DCC: variants seen among roughly 807,000 people sequenced by gnomAD.
DCC encodes netrin receptor DCC.
A neutral mutation model predicts 172.5 loss-of-function variants in DCC; 58 were observed. The observed-to-expected ratio is 0.34, with a 90% CI of 0.27 to 0.42. The LOEUF (loss-of-function observed/expected upper bound fraction) is 0.42. Ranked by LOEUF, DCC falls within the 10% of genes least tolerant of loss-of-function variation. DCC has a pLI of 1.00. For synonymous variants in DCC, 709 were observed against 644.5 expected, an observed-to-expected ratio of 1.10 and a Z score of -1.52; for missense variants, 1,740 against 1,791.0, an observed-to-expected ratio of 0.97 and a Z score of 0.51.
At position 52,733,502 on chromosome 18, in the gene DCC, G is replaced by A. The variant is rs540035369; in HGVS notation, c.92-18552G>A. ...ACACCAATAAACACCGCCTTTTTTT[G>A]TTTTTTGTTTGAGACAGGGTCTCAC... On this transcript the variant is annotated intron_variant, in intron 1 of 28. Coordinates refer to ENST00000442544, the MANE Select transcript of DCC (RefSeq NM_005215.4). Among the ~76,000 whole-genome samples, 5 of 151,748 alleles carry A rather than the reference G, an allele frequency of 3.3e-5. No individual in the cohort carries two copies. In the South Asian group the frequency reaches 1.0e-3, roughly 32 times the overall value.
chr18:53,142,887 G>C (rs1055395934), intron 7 of DCC, among the ~76,000 whole-genome samples: 1 of 152,102 alleles, frequency 6.6e-6, no homozygotes, highest in Non-Finnish European at 1.5e-5. Context: ...TTCTGTAACA[G>C]CTTCTATCTT....
intron 15 of DCC, among the ~76,000 whole-genome samples, chr18:53,367,306 C>T (rs182665356): frequency 6.4e-4 from 98 of 152,096 alleles, no homozygotes; most frequent in Middle Eastern, 3.4e-3. Context: ...TTTCAAGAGA[C>T]GTTCAATAAA....
Position 52,460,833 on chromosome 18 carries a change from T to C in DCC, c.91+119955T>C, listed in dbSNP as rs563536210. Among the ~76,000 whole-genome samples the C allele has an allele frequency of 2.6e-5, 4 of 152,312 alleles. No homozygotes were observed. In the South Asian group the frequency reaches 8.3e-4, roughly 32 times the overall value. Reference sequence around the variant, plus strand: ...TAGGGAATTTACCATGAATGGAGCTTACAGGACTGGAAATTGCTCTGGGTG... The same window carrying C: ...TAGGGAATTTACCATGAATGGAGCTCACAGGACTGGAAATTGCTCTGGGTG... On this transcript the variant is annotated intron_variant, in intron 1 of 28. Transcript: ENST00000442544.
At chr18:53,192,000 T>A (rs1568356750) in intron 9 of DCC, among the ~76,000 whole-genome samples, 1 of 152,328 alleles carries the variant, frequency 6.6e-6, no homozygotes, top group East Asian at 1.9e-4. Flanking sequence ...CTGCTATCTC[T>A]GAACAAGCCC....
At chr18:53,019,035 A>G (rs548471905) in intron 5 of DCC, among the ~76,000 whole-genome samples, 74 of 152,306 alleles carry the variant, frequency 4.9e-4, no homozygotes, top group African/African-American at 1.8e-3. Context: ...TGAATTTTGT[A>G]GGAGAAAACT....
At chr18:53,188,878 TC>T (rs2055326353) in intron 9 of DCC, among the ~76,000 whole-genome samples, 2 of 152,162 alleles carry the variant, frequency 1.3e-5, no homozygotes, top group African/African-American at 4.8e-5. Context: ...CATGGCCTTC[TC>T]CTCTCTGTGT....
At chr18:53,413,927 A>G (rs2145062147) in intron 20 of DCC, among the ~76,000 whole-genome samples, 1 of 152,292 alleles carries the variant, frequency 6.6e-6, no homozygotes, top group Admixed American at 6.5e-5. Flanking sequence ...TCCTTTCTCA[A>G]CAGCTGTGTT....
chr18:52,632,164 T>A (rs1272260389), intron 1 of DCC, among the ~76,000 whole-genome samples: 3 of 152,182 alleles, frequency 2.0e-5, no homozygotes, highest in Non-Finnish European at 4.4e-5. Context: ...GAGAATAAAT[T>A]ACTCAATTGG....
At chr18:53,451,822 A>G (rs764545220) in intron 23 of DCC, among the ~76,000 whole-genome samples, 19 of 152,250 alleles carry the variant, frequency 1.2e-4, no homozygotes, top group Non-Finnish European at 2.6e-4. Flanking sequence ...CTGAAGTGAC[A>G]TGTTTAGAAA....
At chr18:53,449,961 GC>G (rs1244726942) in intron 22 of DCC, among the ~76,000 whole-genome samples, 1 of 151,938 alleles carries the variant, frequency 6.6e-6, no homozygotes, top group Non-Finnish European at 1.5e-5. Context: ...CTCTAGATTT[GC>G]CTATTCTGGA....
chr18:52,924,236 T>C (rs2145486766), intron 4 of DCC, among the ~76,000 whole-genome samples: 1 of 152,232 alleles, frequency 6.6e-6, no homozygotes, highest in East Asian at 1.9e-4. Context: ...TGTGAAGTGA[T>C]ATGATCATCA....
chr18:52,639,022 C>T (rs572855463), intron 1 of DCC, among the ~76,000 whole-genome samples: 2 of 152,260 alleles, frequency 1.3e-5, no homozygotes, highest in Non-Finnish European at 2.9e-5. Flanking sequence ...CAAAACCATG[C>T]ATATACATGG....
At chr18:53,295,273 T>C (rs1278399863) in intron 12 of DCC, among the ~76,000 whole-genome samples, 1 of 152,080 alleles carries the variant, frequency 6.6e-6, no homozygotes, top group Non-Finnish European at 1.5e-5. Flanking sequence ...TTATTAATGC[T>C]AAACTTAAAA....
intron 1 of DCC, among the ~76,000 whole-genome samples, chr18:52,610,382 CA>C (rs55715009): frequency 0.028 from 1,417 of 49,792 alleles, 1 homozygote; most frequent in South Asian, 0.041. Flanking sequence ...TCTGTCTCAA[CA>C]AAAAAAAAAA....
At chr18:52,377,568 T>C (rs922213302) in intron 1 of DCC, among the ~76,000 whole-genome samples, 4 of 152,064 alleles carry the variant, frequency 2.6e-5, no homozygotes, top group African/African-American at 9.7e-5. Context: ...GAATCTGACT[T>C]ACGTATTTAT....
chr18:52,778,538 C>A (rs182834849), intron 2 of DCC, among the ~76,000 whole-genome samples: 6 of 152,214 alleles, frequency 3.9e-5, no homozygotes, highest in Admixed American at 3.9e-4. Context: ...ACTCAATAGA[C>A]CCTTTCCCCA....
chr18:52,670,131 C>T (rs185898769), intron 1 of DCC, among the ~76,000 whole-genome samples: 13 of 152,308 alleles, frequency 8.5e-5, no homozygotes, highest in African/African-American at 2.6e-4. Context: ...GATGACGCAA[C>T]CTCTGTTACC....
At chr18:53,363,243 C>A (rs1454295859) in intron 15 of DCC, among the ~76,000 whole-genome samples, 1 of 152,142 alleles carries the variant, frequency 6.6e-6, no homozygotes, top group Non-Finnish European at 1.5e-5. Flanking sequence ...AAATATCTAG[C>A]AAGTGGAGCC....
At chr18:53,247,574 G>GTCTA (rs1187873779) in intron 12 of DCC, among the ~76,000 whole-genome samples, 2 of 117,738 alleles carry the variant, frequency 1.7e-5, no homozygotes, top group Admixed American at 1.0e-4. Flanking sequence ...CTAATACTTT[G>GTCTA]TTTATTTGTT....
Sources: gnomAD v4.1 joint callset for allele counts (sites outside exome capture counted in the v4.1 genomes callset) on GRCh38, gnomAD v4.1.1 for gene constraint, MANE v1.5 for transcripts, NCBI Gene and HGNC (gene_info 2026-07-23, HGNC 2026-07-21) for gene names.